ATP11C: variants seen among roughly 807,000 people sequenced by gnomAD.
ATP11C encodes phospholipid-transporting ATPase IG.
A neutral mutation model predicts 97.4 loss-of-function variants in ATP11C; 36 were observed. That is an observed-to-expected ratio of 0.37 (90% CI 0.28 to 0.49). The LOEUF (loss-of-function observed/expected upper bound fraction) is 0.49. ATP11C is among the 20% of genes least tolerant of loss of function. ATP11C has a pLI of 0.98. For missense variants in ATP11C, 730 were observed against 824.6 expected (o/e 0.89, Z 1.40); for synonymous variants, 275 against 290.9 (o/e 0.95, Z 0.56).
intron 1 of ATP11C, among the ~76,000 whole-genome samples, chrX:139,880,024 A>AT (rs1020767306): frequency 9.0e-6 from 1 of 110,669 alleles, no homozygotes; most frequent in Non-Finnish European, 1.9e-5. Flanking sequence ...CATTTGTTTG[A>AT]TTTTTTAAAT....
At chrX:139,931,802 T>C (rs960401234) in intron 1 of ATP11C, among the ~76,000 whole-genome samples, 2 of 107,774 alleles carry the variant, frequency 1.9e-5, no homozygotes, top group African/African-American at 3.4e-5. Flanking sequence ...CCTGGTCGAA[T>C]TGTCCTGGGG....
At chrX:139,925,016 T>C (rs1373715405) in intron 1 of ATP11C, among the ~76,000 whole-genome samples, 2 of 112,032 alleles carry the variant, frequency 1.8e-5, no homozygotes, top group East Asian at 2.8e-4. Flanking sequence ...TTGAATAGTC[T>C]ACCAAACGTT....
At chrX:139,761,422 A>G (rs2082036203) in intron 22 of ATP11C, among the ~76,000 whole-genome samples, 1 of 112,231 alleles carries the variant, frequency 8.9e-6, no homozygotes, top group African/African-American at 3.2e-5. Flanking sequence ...GTCACATATC[A>G]AAGTGTTACC....
chrX:139,886,418 G>A (rs1040326680), intron 1 of ATP11C, among the ~76,000 whole-genome samples: 4 of 109,870 alleles, frequency 3.6e-5, no homozygotes, highest in Admixed American at 9.9e-5. Context: ...GTGAAACCCC[G>A]TCTATACTAA....
At position 139,796,395 on chromosome X, in the gene ATP11C, T is replaced by A. The variant is rs1436026009; in HGVS notation, c.1084A>T (p.Thr362Ser). 8.3e-7 allele frequency: 1 copy of A among 1,204,896 alleles called. No individual in the cohort carries two copies. The highest frequency in any genetic ancestry group is 1.7e-5 in the African/African-American group (1 of 57,725). ...CCCAAGAATTTCTGCATTTCTACTG[T>A]GACGTACATGGAGACAGGAATGATA... ...NFIIPVSMYV[T>S]VEMQKFLGSF... The change falls in exon 12 of 30, where the codon ACA becomes TCA. Residue 362 changes from threonine to serine, a missense_variant. Thr to Ser is a moderately conservative substitution (Grantham distance 58). Transcript: ENST00000682941.
chrX:139,924,463 G>C (rs2085320718), intron 1 of ATP11C, among the ~76,000 whole-genome samples: 1 of 111,674 alleles, frequency 9.0e-6, no homozygotes, highest in Non-Finnish European at 1.9e-5. Flanking sequence ...TTGCGTGATG[G>C]AAAGAGTTAA....
chrX:139,922,775 A>G (rs1245533325), intron 1 of ATP11C, among the ~76,000 whole-genome samples: 4 of 111,274 alleles, frequency 3.6e-5, no homozygotes, highest in Non-Finnish European at 7.5e-5. Context: ...AATCTATGTT[A>G]TACTTTTTAT....
At chrX:139,739,313 G>A (rs1321647000) in intron 27 of ATP11C, among the ~76,000 whole-genome samples, 2 of 107,858 alleles carry the variant, frequency 1.9e-5, no homozygotes, top group Non-Finnish European at 3.8e-5. Flanking sequence ...TAACCTCCAT[G>A]TCATCTATGG....
intron 1 of ATP11C, among the ~76,000 whole-genome samples, chrX:139,888,199 T>A (rs1449863611): frequency 9.3e-6 from 1 of 107,309 alleles, no homozygotes; most frequent in African/African-American, 3.4e-5. Flanking sequence ...AACAGTGCGA[T>A]CTCAGCTCAT....
intron 1 of ATP11C, among the ~76,000 whole-genome samples, chrX:139,910,890 C>T (rs1569490899): frequency 9.0e-6 from 1 of 111,013 alleles, no homozygotes; most frequent in Non-Finnish European, 1.9e-5. Context: ...GTCACATATC[C>T]GAAATCTACT....
At chrX:139,839,855 C>T (rs1206612217) in intron 1 of ATP11C, among the ~76,000 whole-genome samples, 1 of 111,600 alleles carries the variant, frequency 9.0e-6, no homozygotes, top group East Asian at 2.8e-4. Flanking sequence ...TCTATTATAA[C>T]CCATTGGCCT....
intron 1 of ATP11C, among the ~76,000 whole-genome samples, chrX:139,897,647 G>A (rs766545039): frequency 9.3e-6 from 1 of 107,305 alleles, no homozygotes; most frequent in Non-Finnish European, 1.9e-5. Context: ...TTCCAGCCTG[G>A]GCAACAGAGT....
At chrX:139,861,275 T>A (rs1199898342) in intron 1 of ATP11C, among the ~76,000 whole-genome samples, 3 of 111,560 alleles carry the variant, frequency 2.7e-5, no homozygotes, top group African/African-American at 9.8e-5. Flanking sequence ...CTGAGAAGCA[T>A]GAAGGTATTC....
At chrX:139,811,652 C>T (rs1461076308) in intron 5 of ATP11C, among the ~76,000 whole-genome samples, 2 of 109,609 alleles carry the variant, frequency 1.8e-5, no homozygotes, top group African/African-American at 6.7e-5. Context: ...CTGAATATAT[C>T]CATTTCCCTT....
chrX:139,886,235 T>TA (rs200488334), intron 1 of ATP11C, among the ~76,000 whole-genome samples: 1,683 of 110,490 alleles, frequency 0.015, 18 homozygotes, highest in Non-Finnish European at 0.022. Context: ...TGCCTTGCTA[T>TA]AAAAAAAATC....
intron 1 of ATP11C, among the ~76,000 whole-genome samples, chrX:139,861,765 G>GTT (rs2084200584): frequency 1.1e-5 from 1 of 88,120 alleles, no homozygotes; most frequent in Non-Finnish European, 2.0e-5. Flanking sequence ...TAATAATCCT[G>GTT]TTATACACAC....
intron 20 of ATP11C, among the ~76,000 whole-genome samples, chrX:139,767,747 A>G (rs2082167988): frequency 8.9e-6 from 1 of 112,156 alleles, no homozygotes; most frequent in Non-Finnish European, 1.9e-5. Flanking sequence ...AGAGGATGGC[A>G]CAAAATAAAA....
At chrX:139,833,946 G>A (rs1400219383) in intron 1 of ATP11C, among the ~76,000 whole-genome samples, 1 of 111,575 alleles carries the variant, frequency 9.0e-6, no homozygotes, top group South Asian at 3.8e-4. Context: ...TAAACTATTC[G>A]CAGGAACAAA....
chrX:139,915,406 A>C (rs2085139984), intron 1 of ATP11C, among the ~76,000 whole-genome samples: 1 of 112,065 alleles, frequency 8.9e-6, no homozygotes, highest in Admixed American at 9.5e-5. Flanking sequence ...GTAGTGGCTC[A>C]CACCTATAAT....
Sources: allele counts gnomAD v4.1 joint callset (sites outside exome capture counted in the v4.1 genomes callset), GRCh38; gene constraint gnomAD v4.1.1; transcripts MANE v1.5; gene names NCBI Gene and HGNC (gene_info 2026-07-23, HGNC 2026-07-21).